RGS6: variants seen among roughly 807,000 people sequenced by gnomAD.
The protein encoded by RGS6 is regulator of G-protein signaling 6.
A neutral mutation model predicts 78.5 loss-of-function variants in RGS6; 30 were observed. The observed-to-expected ratio is 0.38, with a 90% CI of 0.29 to 0.52. The LOEUF is 0.52. Ranked by LOEUF, RGS6 falls within the 20% of genes least tolerant of loss-of-function variation. The probability of loss-of-function intolerance (pLI) is 0.85; values close to 1 mark genes in which losing one functional copy is unlikely to be tolerated. For missense variants in RGS6, 495 were observed against 609.7 expected (o/e 0.81, Z 1.98); for synonymous variants, 206 against 206.0 (o/e 1.00, Z 0.00).
At chr14:72,547,557 C>T (rs1343013324) in intron 17 of RGS6, among the ~76,000 whole-genome samples, 1 of 152,306 alleles carries the variant, frequency 6.6e-6, no homozygotes, top group Admixed American at 6.5e-5. Flanking sequence ...ATGTTGCCCT[C>T]CTGCAGTGTG....
At chr14:71,873,744 A>G in the RGS6 span, among the ~76,000 whole-genome samples, 9 of 152,164 alleles carry the variant, frequency 5.9e-5, no homozygotes, top group Admixed American at 3.3e-4. Flanking sequence ...GGTATTGCCT[A>G]GGTTTTCTTC....
chr14:71,978,101 T>C (rs1480260451), intron 2 of RGS6, among the ~76,000 whole-genome samples: 7 of 147,844 alleles, frequency 4.7e-5, no homozygotes, highest in African/African-American at 1.2e-4. Flanking sequence ...GTGATTTTTG[T>C]ACATTGATTT....
At chr14:72,433,032 C>A (rs967707997) in intron 3 of RGS6, among the ~76,000 whole-genome samples, 2 of 152,146 alleles carry the variant, frequency 1.3e-5, no homozygotes, top group African/African-American at 4.8e-5. Flanking sequence ...GTGATTATTT[C>A]CTATTCATTT....
intron 3 of RGS6, among the ~76,000 whole-genome samples, chr14:72,388,413 A>G (rs1302025603): frequency 2.0e-5 from 3 of 152,194 alleles, no homozygotes; most frequent in Non-Finnish European, 4.4e-5. Flanking sequence ...ATGACCTTCC[A>G]CGTCAGTGCA....
At chr14:72,622,348 C>G in the RGS6 span, among the ~76,000 whole-genome samples, 1 of 152,082 alleles carries the variant, frequency 6.6e-6, no homozygotes, top group Non-Finnish European at 1.5e-5. Flanking sequence ...GGGATGAAGA[C>G]GAGCACACTG....
rs149687456 is a variant in RGS6 at position 72,502,119 on chromosome 14, C to T, written c.965+6857C>T. On this transcript the variant is annotated intron_variant, in intron 13 of 17. Coordinates refer to ENST00000553525, the MANE Select transcript of RGS6 (RefSeq NM_001204424.2). ...CAGTAATCCAGAACCCCTGTGGTGG[C>T]TTCCACCTTGGTCATTTGAAATATT... is the stretch of plus-strand genomic sequence containing the variant. Among the ~76,000 whole-genome samples, 259 of 152,332 alleles carry T rather than the reference C, an allele frequency of 1.7e-3. 1 individual carries two copies. Among genetic ancestry groups the T allele is most frequent in the African/African-American group, 6.0e-3 (248 of 41,580 alleles).
chr14:72,216,944 T>G (rs1157551940), intron 2 of RGS6, among the ~76,000 whole-genome samples: 1 of 152,176 alleles, frequency 6.6e-6, no homozygotes, highest in Admixed American at 6.5e-5. Context: ...AACTTTGACC[T>G]TTTGGTAAAG....
intron 3 of RGS6, among the ~76,000 whole-genome samples, chr14:72,413,318 T>G (rs1308505012): frequency 6.6e-6 from 1 of 152,242 alleles, no homozygotes; most frequent in Non-Finnish European, 1.5e-5. Context: ...TTTAGCATTA[T>G]GTAATAGCCT....
intron 3 of RGS6, among the ~76,000 whole-genome samples, chr14:72,411,924 A>T (rs1051482006): frequency 6.6e-6 from 1 of 152,234 alleles, no homozygotes; most frequent in South Asian, 2.1e-4. Context: ...AGCCCACCTG[A>T]TCATGGTGGA....
intron 2 of RGS6, among the ~76,000 whole-genome samples, 155 bp downstream of exon 2, chr14:71,965,030 CA>C (rs2093431647): frequency 6.6e-6 from 1 of 152,202 alleles, no homozygotes; most frequent in South Asian, 2.1e-4. Context: ...TTCTAAAATT[CA>C]AGGAAGTTCA....
At chr14:72,138,459 T>TTTTTG (rs2096484961) in intron 2 of RGS6, among the ~76,000 whole-genome samples, 1 of 149,964 alleles carries the variant, frequency 6.7e-6, no homozygotes, top group African/African-American at 2.5e-5. Context: ...GTTTTTTTTT[T>TTTTTG]TTTTTTTTTT....
chr14:72,408,007 GAGTC>G (rs748811598), intron 3 of RGS6, among the ~76,000 whole-genome samples: 27 of 152,224 alleles, frequency 1.8e-4, no homozygotes, highest in Non-Finnish European at 3.2e-4. Flanking sequence ...CCACTGGAGA[GAGTC>G]AGAGTAATTG....
intron 12 of RGS6, among the ~76,000 whole-genome samples, chr14:72,488,397 A>C (rs1034023099): frequency 4.6e-5 from 7 of 152,128 alleles, no homozygotes. Flanking sequence ...TTTTGCTCTT[A>C]TGTTGGGTGG....
intron 2 of RGS6, among the ~76,000 whole-genome samples, chr14:72,246,881 A>G (rs913957061): frequency 2.1e-4 from 32 of 149,414 alleles, no homozygotes; most frequent in African/African-American, 3.2e-4. Context: ...ACTCCAGCCT[A>G]GGTGACAGAG....
intron 2 of RGS6, among the ~76,000 whole-genome samples, chr14:72,271,174 C>A (rs1274733820): frequency 6.6e-6 from 1 of 152,064 alleles, no homozygotes; most frequent in Non-Finnish European, 1.5e-5. Flanking sequence ...CTCATGCTGC[C>A]AATAAAGACA....
At chr14:72,150,278 C>G (rs1163582111) in intron 2 of RGS6, among the ~76,000 whole-genome samples, 1 of 152,074 alleles carries the variant, frequency 6.6e-6, no homozygotes, top group African/African-American at 2.4e-5. Flanking sequence ...GCCAGGAGCA[C>G]CAGAAGCTGG....
chr14:71,889,510 T>C, the RGS6 span, among the ~76,000 whole-genome samples: 36 of 151,054 alleles, frequency 2.4e-4, no homozygotes, highest in Admixed American at 1.3e-3. Flanking sequence ...AGAAGGGGAG[T>C]TGGAAAAAGT....
At chr14:72,629,276 G>C in the RGS6 span, among the ~76,000 whole-genome samples, 2 of 152,214 alleles carry the variant, frequency 1.3e-5, no homozygotes, top group Non-Finnish European at 2.9e-5. Context: ...GTCGAAGCTG[G>C]TGATGGTTTA....
chr14:72,490,108 G>A (rs566219284), intron 12 of RGS6, among the ~76,000 whole-genome samples: 7 of 152,202 alleles, frequency 4.6e-5, no homozygotes, highest in Middle Eastern at 3.4e-3. Context: ...CCCAGATCTC[G>A]TCTTGAATTC....
Sources: gnomAD v4.1 joint callset for allele counts (sites outside exome capture counted in the v4.1 genomes callset) on GRCh38, gnomAD v4.1.1 for gene constraint, MANE v1.5 for transcripts, NCBI Gene and HGNC (gene_info 2026-07-23, HGNC 2026-07-21) for gene names.